NOMO1: variants seen among roughly 807,000 people sequenced by gnomAD.
The protein encoded by NOMO1 is nodal modulator 3.
A neutral mutation model predicts 133.8 loss-of-function variants in NOMO1; 40 were observed. The observed-to-expected ratio is 0.30, with a 90% confidence interval of 0.23 to 0.39. The LOEUF (loss-of-function observed/expected upper bound fraction) is 0.39. Among genes scored for constraint, NOMO1 ranks in the 10% least tolerant of loss-of-function variants. NOMO1 has a pLI of 1.00. For synonymous variants in NOMO1, 236 were observed against 570.5 expected (o/e 0.41, Z 8.36); for missense variants, 462 against 1,419.9 (o/e 0.33, Z 10.84).
intron 9 of NOMO1, among the ~76,000 whole-genome samples, chr16:14,855,922 A>G (rs1221428179): frequency 6.6e-6 from 1 of 152,126 alleles, no homozygotes; most frequent in Non-Finnish European, 1.5e-5. Context: ...TCTTTTTGGA[A>G]AGATCAAGAA....
Position 14,876,445 on chromosome 16 carries a change from G to C in NOMO1, c.2443G>C (p.Glu815Gln). The C allele has an allele frequency of 6.2e-7, 1 of 1,611,362 alleles. No homozygotes were observed. The highest frequency in any genetic ancestry group is 8.5e-7 in the Non-Finnish European group (1 of 1,179,752). ...GATCCACCCCGAGTTGGAAGGAGTCGAGATTGTCATCAGTGAAAAGGGGGC... is the reference window on the plus strand; with the variant it reads ...GATCCACCCCGAGTTGGAAGGAGTCCAGATTGTCATCAGTGAAAAGGGGGC... ...GQIHPELEGV[E>Q]IVISEKGASS... The change falls in exon 21 of 31, where the codon GAG becomes CAG. Residue 815 changes from glutamate to glutamine, a missense_variant. Transcript: ENST00000287667.
intron 1 of NOMO1, among the ~76,000 whole-genome samples, chr16:14,837,308 C>T (rs56976613): frequency 0.017 from 2,512 of 152,124 alleles, 86 homozygotes; most frequent in African/African-American, 0.058. Context: ...CATGCCTGGC[C>T]GCAAACTGAT....
intron 29 of NOMO1, among the ~76,000 whole-genome samples, chr16:14,893,765 CAT>C (rs1461700940): frequency 1.3e-5 from 2 of 150,594 alleles, no homozygotes; most frequent in East Asian, 3.9e-4. Flanking sequence ...GTATATTTAT[CAT>C]ATTAGTAATT....
At chr16:14,866,477 G>A in intron 14 of NOMO1, 78 bp from the exon 15 acceptor site, 1 of 1,609,302 alleles carries the variant, frequency 6.2e-7, no homozygotes, top group Non-Finnish European at 8.5e-7. Context: ...ATTAATTCAT[G>A]ATCATTGTTT....
chr16:14,886,797 A>T lies in NOMO1; in HGVS notation c.3259A>T (p.Ile1087Phe). The change falls in exon 28 of 31, where the codon ATC becomes TTC. Residue 1087 changes from isoleucine (I) to phenylalanine (F), a missense_variant. Transcript: ENST00000287667. ...CAAAAGCGAAAACCTCGACAATCCA[A>T]TCCAGACAGTTTCCCTTGGCCAGTC... ...LYKSENLDNP[I>F]QTVSLGQSLF... The T allele has an allele frequency of 6.2e-7, 1 of 1,611,650 alleles. No homozygotes were observed. The highest frequency in any genetic ancestry group is 8.5e-7 in the Non-Finnish European group (1 of 1,179,792).
rs573270255 is a variant in NOMO1 at position 14,894,957 on chromosome 16, G to A, written c.3445-41G>A. The A allele has an allele frequency of 5.3e-5, 85 of 1,611,996 alleles. No individual in the cohort carries two copies. In the South Asian group the frequency reaches 8.9e-4, roughly 17 times the overall value. ...GGCATTGTGGATGATGGACAATCGT[G>A]TGGCCTTGGTGAGGAGTGATGGGGC... On this transcript the variant is annotated intron_variant, in intron 29 of 30. Transcript: ENST00000287667.
At chr16:14,886,686 T>C in intron 27 of NOMO1, 75 bp from the exon 28 acceptor site, 1 of 1,610,222 alleles carries the variant, frequency 6.2e-7, no homozygotes, top group Non-Finnish European at 8.5e-7. Context: ...AAAGCGGCTG[T>C]CCTGAGGATG....
intron 11 of NOMO1, among the ~76,000 whole-genome samples, chr16:14,859,975 G>T (rs568175318): frequency 6.6e-6 from 1 of 152,012 alleles, no homozygotes. Context: ...GGCAGTCTGC[G>T]CAGCTGGAGG....
At chr16:14,844,364 C>T (rs1963649267) in intron 3 of NOMO1, among the ~76,000 whole-genome samples, 1 of 151,636 alleles carries the variant, frequency 6.6e-6, no homozygotes. Flanking sequence ...ATTTGGTGCT[C>T]ACTGAATTTT....
rs984567070 is a variant in NOMO1 at position 14,889,313 on chromosome 16, C to T, written c.3444+98C>T. 3.4e-5 allele frequency: 54 copies of T among 1,608,540 alleles called. 2 individuals carry two copies. Among genetic ancestry groups the T allele is most frequent in the Non-Finnish European group, 4.5e-5 (53 of 1,178,230 alleles). ...TTGGGAGGCCAAGGCTGGTGGATCTCTTGAGCCCAGGAGTTTCAGACCAGC... is the reference window on the plus strand; with the variant it reads ...TTGGGAGGCCAAGGCTGGTGGATCTTTTGAGCCCAGGAGTTTCAGACCAGC... On this transcript the variant is annotated intron_variant, in intron 29 of 30. Coordinates refer to ENST00000287667, the MANE Select transcript of NOMO1 (RefSeq NM_014287.4).
chr16:14,889,360 C>T, intron 29 of NOMO1, 145 bp downstream of exon 29: 1 of 1,447,400 alleles, frequency 6.9e-7, no homozygotes, highest in South Asian at 1.3e-5. Flanking sequence ...GGTAAAACCC[C>T]AACTCTACAA....
At chr16:14,837,459 A>G (rs1001786253) in intron 1 of NOMO1, among the ~76,000 whole-genome samples, 1 of 152,112 alleles carries the variant, frequency 6.6e-6, no homozygotes, top group African/African-American at 2.4e-5. Flanking sequence ...AACACGTGGA[A>G]GACTCAGATG....
intron 16 of NOMO1, among the ~76,000 whole-genome samples, chr16:14,870,888 G>A (rs1042687544): frequency 1.4e-5 from 2 of 147,850 alleles, no homozygotes; most frequent in South Asian, 2.2e-4. Flanking sequence ...GTGCTCTGTC[G>A]ATATTTGTTG....
intron 28 of NOMO1, among the ~76,000 whole-genome samples, chr16:14,887,647 A>G (rs1964345955): frequency 6.6e-6 from 1 of 152,046 alleles, no homozygotes; most frequent in Non-Finnish European, 1.5e-5. Context: ...ATAAACTAGG[A>G]AACGCCATGA....
intron 18 of NOMO1, 62 bp from the exon 19 acceptor site, chr16:14,874,974 G>A: frequency 6.2e-7 from 1 of 1,611,132 alleles, no homozygotes; most frequent in African/African-American, 1.3e-5. Context: ...CTCGTAGAAA[G>A]GTCAAATTCC....
intron 6 of NOMO1, among the ~76,000 whole-genome samples, chr16:14,850,152 C>A (rs1963737210): frequency 6.8e-6 from 1 of 148,000 alleles, no homozygotes; most frequent in Non-Finnish European, 1.5e-5. Flanking sequence ...CTCATTGCAA[C>A]CTCCGCCTCT....
chr16:14,845,646 C>T (rs1349611966), intron 4 of NOMO1, among the ~76,000 whole-genome samples: 1 of 151,338 alleles, frequency 6.6e-6, no homozygotes, highest in Non-Finnish European at 1.5e-5. Context: ...TTGAGATGTG[C>T]TTCCTTCCTT....
intron 15 of NOMO1, 28 bp downstream of exon 15, chr16:14,866,719 T>C (rs753737046): frequency 5.0e-6 from 8 of 1,609,662 alleles, no homozygotes; most frequent in East Asian, 2.2e-5. Flanking sequence ...AGTCTCTTAT[T>C]TGGAAAAGCG....
At position 14,875,109 on chromosome 16, in the gene NOMO1, C is replaced by T. The variant is rs1964135955; in HGVS notation, c.2128C>T (p.Gln710Ter). Residue 710 changes from glutamine to a stop codon, truncating the protein, a stop_gained, in exon 19 of 31, where the codon CAG becomes TAG. Transcript: ENST00000287667. LOFTEE classifies it high-confidence loss of function. ...TGTGCAGGAGCTGCGGAGGGAGCAG[C>T]AGCTGGCTGAGATCGAGGCCCGCAG... Reference protein sequence around the residue: ...KSVQELRREQQLAEIEARRQE... With the variant: ...KSVQELRREQ 3 of 1,613,704 alleles carry T rather than the reference C, an allele frequency of 1.9e-6. No individual in the cohort carries two copies. The highest frequency in any genetic ancestry group is 1.1e-5 in the South Asian group (1 of 91,070).
Sources: allele counts gnomAD v4.1 joint callset (sites outside exome capture counted in the v4.1 genomes callset), GRCh38; gene constraint gnomAD v4.1.1; transcripts MANE v1.5; gene names NCBI Gene and HGNC (gene_info 2026-07-23, HGNC 2026-07-21).